RAD51B: variants seen among roughly 807,000 people sequenced by gnomAD.
The protein encoded by RAD51B is DNA repair protein RAD51 homolog 2.
In RAD51B, 38 loss-of-function variants were observed where a neutral mutation model predicts 42.2. The ratio of observed to expected loss-of-function variants is 0.90; its 90% CI spans 0.70 to 1.18. The LOEUF is 1.18. RAD51B is among the 50% of genes most tolerant of loss of function. The pLI is 0.00. For missense variants in RAD51B, 373 were observed against 400.7 expected (o/e 0.93, Z 0.59); for synonymous variants, 154 against 145.2 (o/e 1.06, Z -0.43).
At chr14:68,142,384 TC>T (rs1476073658) in intron 7 of RAD51B, among the ~76,000 whole-genome samples, 1 of 152,200 alleles carries the variant, frequency 6.6e-6, no homozygotes, top group African/African-American at 2.4e-5. Flanking sequence ...AGAAATTATT[TC>T]CATTGGCAAA....
At chr14:67,949,243 G>T (rs1465011652) in intron 7 of RAD51B, among the ~76,000 whole-genome samples, 2 of 152,196 alleles carry the variant, frequency 1.3e-5, no homozygotes, top group Non-Finnish European at 2.9e-5. Context: ...TTTACTCACA[G>T]TAGAACTTCT....
At chr14:68,507,828 T>C (rs1885447919) in intron 10 of RAD51B, among the ~76,000 whole-genome samples, 1 of 152,230 alleles carries the variant, frequency 6.6e-6, no homozygotes, top group Admixed American at 6.5e-5. Flanking sequence ...CATGAGCCCC[T>C]GCTCCTCCGC....
At chr14:67,900,725 A>G (rs542476725) in intron 7 of RAD51B, among the ~76,000 whole-genome samples, 1 of 151,954 alleles carries the variant, frequency 6.6e-6, no homozygotes, top group Admixed American at 6.6e-5. Context: ...TAAGTACTAA[A>G]GTACAGTATT....
At chr14:67,856,530 T>G (rs1954611313) in intron 4 of RAD51B, among the ~76,000 whole-genome samples, 1 of 152,144 alleles carries the variant, frequency 6.6e-6, no homozygotes, top group African/African-American at 2.4e-5. Flanking sequence ...TAATGAAGCT[T>G]TTTTAAAACA....
chr14:68,064,498 G>A (rs2076618411), intron 7 of RAD51B, among the ~76,000 whole-genome samples: 1 of 152,106 alleles, frequency 6.6e-6, no homozygotes, highest in African/African-American at 2.4e-5. Flanking sequence ...TCTCTCCCAA[G>A]ACTTGGGTAG....
Position 68,205,258 on chromosome 14 carries a change from G to T in RAD51B, c.757-86626G>T, listed in dbSNP as rs538834065. Among the ~76,000 whole-genome samples the T allele has an allele frequency of 4.1e-4, 62 of 152,270 alleles. 1 individual carries two copies. The highest frequency in any genetic ancestry group is 1.4e-3 in the African/African-American group (60 of 41,554). On this transcript the variant is annotated intron_variant, in intron 7 of 10. Coordinates refer to ENST00000471583, the MANE Select transcript of RAD51B (RefSeq NM_133510.4). Reference sequence around the variant, plus strand: ...GTGACAGAATGAAAATAATATGGTTGCAGACAAATGTGATAAATATGTGTA... The same window carrying T: ...GTGACAGAATGAAAATAATATGGTTTCAGACAAATGTGATAAATATGTGTA...
intron 10 of RAD51B, among the ~76,000 whole-genome samples, chr14:68,500,617 G>A (rs979563271): frequency 6.6e-6 from 1 of 152,256 alleles, no homozygotes; most frequent in Non-Finnish European, 1.5e-5. Flanking sequence ...AGATGACCTG[G>A]TGGGTCCTGC....
chr14:68,607,508 C>A (rs924581187), intron 10 of RAD51B, among the ~76,000 whole-genome samples: 1 of 152,204 alleles, frequency 6.6e-6, no homozygotes, highest in East Asian at 1.9e-4. Flanking sequence ...AGCCCAGGCC[C>A]GTGAGGCTCC....
intron 7 of RAD51B, among the ~76,000 whole-genome samples, chr14:68,225,247 T>C (rs1237729750): frequency 1.3e-5 from 2 of 152,232 alleles, no homozygotes; most frequent in Non-Finnish European, 2.9e-5. Context: ...AACATTGTTA[T>C]ACCAACCTAT....
intron 11 of RAD51B, among the ~76,000 whole-genome samples, chr14:68,674,201 A>G (rs1893255352): frequency 6.6e-6 from 1 of 152,078 alleles, no homozygotes; most frequent in African/African-American, 2.4e-5. Flanking sequence ...ACATACACAC[A>G]TATACATACA....
At chr14:68,608,005 T>C (rs1382882259) in intron 10 of RAD51B, among the ~76,000 whole-genome samples, 2 of 152,170 alleles carry the variant, frequency 1.3e-5, no homozygotes, top group Admixed American at 6.5e-5. Flanking sequence ...CCGTGGCACT[T>C]TCTAGCCAGG....
intron 10 of RAD51B, among the ~76,000 whole-genome samples, chr14:68,567,873 A>G (rs1294240861): frequency 6.6e-6 from 1 of 152,180 alleles, no homozygotes; most frequent in African/African-American, 2.4e-5. Flanking sequence ...CTTGGATTCT[A>G]CCATAGTGCC....
intron 7 of RAD51B, among the ~76,000 whole-genome samples, chr14:68,012,889 T>C (rs953556790): frequency 1.3e-5 from 2 of 152,210 alleles, no homozygotes; most frequent in African/African-American, 4.8e-5. Context: ...TTGTAAGTCT[T>C]TTAAAAATCT....
At chr14:68,125,749 G>GTTT (rs200535359) in intron 7 of RAD51B, among the ~76,000 whole-genome samples, 10 of 141,124 alleles carry the variant, frequency 7.1e-5, no homozygotes, top group Admixed American at 4.8e-4. Context: ...TTTTTGTTTT[G>GTTT]TTTTGTTTTG....
intron 7 of RAD51B, among the ~76,000 whole-genome samples, chr14:68,001,508 G>A (rs564788994): frequency 6.6e-5 from 10 of 152,232 alleles, no homozygotes; most frequent in Admixed American, 6.5e-4. Context: ...GACTCAAAAA[G>A]GTAATGGAGT....
At chr14:67,864,576 G>A (rs1302973065) in intron 4 of RAD51B, among the ~76,000 whole-genome samples, 2 of 152,080 alleles carry the variant, frequency 1.3e-5, no homozygotes, top group East Asian at 3.8e-4. Context: ...GTTTTGAAAT[G>A]CTAATTTTTA....
At chr14:68,131,941 T>G (rs1425075580) in intron 7 of RAD51B, among the ~76,000 whole-genome samples, 1 of 152,204 alleles carries the variant, frequency 6.6e-6, no homozygotes, top group Non-Finnish European at 1.5e-5. Flanking sequence ...TTTAATTATA[T>G]AAACTAACCA....
chr14:67,883,387 T>C (rs1189542408), intron 5 of RAD51B, among the ~76,000 whole-genome samples: 1 of 151,790 alleles, frequency 6.6e-6, no homozygotes, highest in African/African-American at 2.4e-5. Flanking sequence ...TGGCCTTGGC[T>C]AGCTCTTTGT....
At chr14:68,319,838 A>G (rs751402466) in intron 8 of RAD51B, among the ~76,000 whole-genome samples, 1 of 152,222 alleles carries the variant, frequency 6.6e-6, no homozygotes, top group Non-Finnish European at 1.5e-5. Context: ...GCTATCATTT[A>G]CTGAGTGCCT....
Sources: gnomAD v4.1 joint callset for allele counts (sites outside exome capture counted in the v4.1 genomes callset) on GRCh38, gnomAD v4.1.1 for gene constraint, MANE v1.5 for transcripts, NCBI Gene and HGNC (gene_info 2026-07-23, HGNC 2026-07-21) for gene names.